The following SGTB variants were observed in gnomAD, a reference collection of about 807,000 sequenced individuals.
SGTB encodes small glutamine rich tetratricopeptide repeat co-chaperone beta, also known as small glutamine-rich tetratricopeptide repeat-containing protein beta.
A neutral mutation model predicts 43.9 loss-of-function variants in SGTB; 19 were observed. The ratio of observed to expected loss-of-function variants is 0.43; its 90% CI spans 0.30 to 0.63. The LOEUF (loss-of-function observed/expected upper bound fraction) is 0.63, where lower values mean the gene tolerates loss of function less well. Among genes scored for constraint, SGTB ranks in the 30% least tolerant of loss-of-function variants. SGTB has a pLI of 0.12. For synonymous variants in SGTB, 116 were observed against 117.3 expected (o/e 0.99, Z 0.07); for missense variants, 304 against 358.9 (o/e 0.85, Z 1.24).
At chr5:65,695,780 G>A (rs988925515) in intron 5 of SGTB, among the ~76,000 whole-genome samples, 13 of 152,170 alleles carry the variant, frequency 8.5e-5, no homozygotes, top group African/African-American at 3.1e-4. Flanking sequence ...GCCTTACCTT[G>A]TTTTTGAAAG....
rs944316275 is a variant in SGTB at position 65,675,527 on chromosome 5, A to G, written c.682-3246T>C. The stretch of plus-strand genomic sequence containing the variant: ...TTTTGGAAAAATCCATGAGCTTCCT[A>G]AAGTCCATCCATGGCTTTCCCACAG... On this transcript the variant is annotated intron_variant, in intron 8 of 10. Transcript: ENST00000381007. Among the ~76,000 whole-genome samples, 20 of 152,298 alleles carry G rather than the reference A, an allele frequency of 1.3e-4. 1 individual carries two copies. Among genetic ancestry groups the G allele is most frequent in the Admixed American group, 1.0e-3 (16 of 15,294 alleles).
At chr5:65,720,909 T>C in intron 1 of SGTB, 80 bp from the exon 2 acceptor site, 1 of 1,435,644 alleles carries the variant, frequency 7.0e-7, no homozygotes, top group Non-Finnish European at 9.4e-7. Flanking sequence ...AAAGATGATA[T>C]GGGTTATAAA....
intron 5 of SGTB, among the ~76,000 whole-genome samples, chr5:65,700,573 T>C: frequency 6.7e-6 from 1 of 149,724 alleles, no homozygotes; most frequent in East Asian, 2.0e-4. Flanking sequence ...CCCAGCCACT[T>C]GGGAGGCTGA....
At position 65,711,692 on chromosome 5, in the gene SGTB, A is replaced by C. The variant is rs140213108; in HGVS notation, c.204+1269T>G. ...TGATGAATTAATGAATAACTGCATT[A>C]TTTTTCTCCCAAGTGTAATAAAAGG... is the stretch of plus-strand genomic sequence containing the variant. On this transcript the variant is annotated intron_variant, in intron 3 of 10. Transcript: ENST00000381007. Among the ~76,000 whole-genome samples the C allele has an allele frequency of 8.0e-3, 1,216 of 152,306 alleles. 12 individuals carry two copies. Among genetic ancestry groups the C allele is most frequent in the African/African-American group, 0.028 (1,158 of 41,548 alleles).
chr5:65,716,477 G>GTTCA (rs1425405567), intron 2 of SGTB, among the ~76,000 whole-genome samples: 3 of 152,168 alleles, frequency 2.0e-5, no homozygotes, highest in African/African-American at 4.8e-5. Context: ...TCAAGAAATA[G>GTTCA]TTCAGTCCAG....
At chr5:65,686,768 G>C (rs1757507499) in intron 5 of SGTB, among the ~76,000 whole-genome samples, 1 of 152,134 alleles carries the variant, frequency 6.6e-6, no homozygotes, top group African/African-American at 2.4e-5. Context: ...CAAGGACCTA[G>C]CTGGAATCTA....
intron 4 of SGTB, 111 bp from the exon 5 acceptor site, chr5:65,704,489 T>C (rs554875121): frequency 6.6e-5 from 52 of 785,448 alleles, no homozygotes; most frequent in Admixed American, 1.1e-4. Flanking sequence ...GTCGGCCTCA[T>C]GATTTTTCAG....
chr5:65,720,938 C>G, intron 1 of SGTB, 109 bp from the exon 2 acceptor site: 2 of 1,090,358 alleles, frequency 1.8e-6, no homozygotes, highest in Non-Finnish European at 2.5e-6. Flanking sequence ...AAGGTAAAAA[C>G]AAAACACAAA....
intron 10 of SGTB, 30 bp downstream of exon 10, chr5:65,671,885 T>C: frequency 6.3e-7 from 1 of 1,594,960 alleles, no homozygotes; most frequent in Non-Finnish European, 8.6e-7. Flanking sequence ...AAAATACATC[T>C]TCACTATTTC....
At chr5:65,692,934 G>A (rs571823821) in intron 5 of SGTB, among the ~76,000 whole-genome samples, 29 of 152,138 alleles carry the variant, frequency 1.9e-4, no homozygotes, top group African/African-American at 5.5e-4. Context: ...GGCCAGGTGC[G>A]GTGGCTCATG....
chr5:65,701,705 T>C (rs1757826993), intron 5 of SGTB, among the ~76,000 whole-genome samples: 1 of 151,044 alleles, frequency 6.6e-6, no homozygotes, highest in South Asian at 2.1e-4. Context: ...CCATCTTGGC[T>C]TTCTACAAGC....
chr5:65,671,676 A>G (rs924461028), intron 10 of SGTB, among the ~76,000 whole-genome samples: 1 of 151,938 alleles, frequency 6.6e-6, no homozygotes, highest in Non-Finnish European at 1.5e-5. Context: ...CATAATAAAC[A>G]TGGTTCTTTT....
Position 65,685,405 on chromosome 5 carries a change from T to C in SGTB, c.442A>G (p.Ile148Val). 1 of 1,614,210 alleles carries C rather than the reference T, an allele frequency of 6.2e-7. No individual in the cohort carries two copies. Among genetic ancestry groups the C allele is most frequent in the Non-Finnish European group, 8.5e-7 (1 of 1,180,024 alleles). Residue 148 changes from isoleucine (I) to valine (V), a missense_variant, in exon 6 of 11, where the codon ATT (isoleucine) becomes GTT (valine). Transcript: ENST00000381007. ...AIKDCEKAIA[I>V]DSKYSKAYGR... ...TAGGCCTTGCTGTACTTTGAATCAA[T>C]TGCTATTGCTTTTTCACAATCCTTT... is the stretch of plus-strand genomic sequence containing the variant.
At chr5:65,684,441 GGAA>G (rs1757458223) in intron 6 of SGTB, among the ~76,000 whole-genome samples, 1 of 152,068 alleles carries the variant, frequency 6.6e-6, no homozygotes, top group Admixed American at 6.6e-5. Flanking sequence ...TATTAGAGAT[GGAA>G]GATCTAATGT....
intron 5 of SGTB, among the ~76,000 whole-genome samples, chr5:65,694,092 G>A (rs925873476): frequency 5.3e-5 from 8 of 152,140 alleles, no homozygotes; most frequent in African/African-American, 1.7e-4. Context: ...CACAGGACAC[G>A]GAGGGGAAGG....
intron 4 of SGTB, among the ~76,000 whole-genome samples, chr5:65,707,043 A>G (rs1757945857): frequency 6.6e-6 from 1 of 151,712 alleles, no homozygotes; most frequent in Non-Finnish European, 1.5e-5. Flanking sequence ...GGCGGATCAC[A>G]TGAGGTCAGT....
At chr5:65,697,347 C>A (rs1485371873) in intron 5 of SGTB, among the ~76,000 whole-genome samples, 1 of 152,142 alleles carries the variant, frequency 6.6e-6, no homozygotes, top group Admixed American at 6.6e-5. Flanking sequence ...CCAAAAATTT[C>A]TTCTAATACA....
chr5:65,703,625 G>T (rs1757865226), intron 5 of SGTB, among the ~76,000 whole-genome samples: 1 of 152,224 alleles, frequency 6.6e-6, no homozygotes, highest in Admixed American at 6.5e-5. Context: ...AGCAGAGGCT[G>T]AGGTGGGAGA....
At position 65,668,583 on chromosome 5, in the gene SGTB, A is replaced by G. The variant is rs1757087646; in HGVS notation, c.*1663T>C. 1 of 152,192 alleles carries G rather than the reference A, an allele frequency of 6.6e-6. No homozygotes were observed. The highest frequency in any genetic ancestry group is 2.1e-4 in the South Asian group (1 of 4,830). The allele number at this position is 152,192 out of a possible 1,614,324, so 9.4% of individuals were successfully genotyped here. ...TGGTGAAACCCCGTCTCTACTAAAA[A>G]TACAAAAATTAGCTGGGCATGGTGA... On this transcript the variant is annotated 3_prime_UTR_variant, in exon 11 of 11. Coordinates refer to ENST00000381007, the MANE Select transcript of SGTB (RefSeq NM_019072.3).
Sources: allele counts gnomAD v4.1 joint callset (sites outside exome capture counted in the v4.1 genomes callset), GRCh38; gene constraint gnomAD v4.1.1; transcripts MANE v1.5; gene names NCBI Gene and HGNC (gene_info 2026-07-23, HGNC 2026-07-21).